NCOR2: variants seen among roughly 807,000 people sequenced by gnomAD.
The protein encoded by NCOR2 is nuclear receptor corepressor 2.
NCOR2 carries 81 observed loss-of-function variants against 262.9 expected under a neutral mutation model. The observed-to-expected ratio is 0.31, with a 90% CI of 0.26 to 0.37. The LOEUF (loss-of-function observed/expected upper bound fraction) is 0.37, where lower values mean the gene tolerates loss of function less well. Ranked by LOEUF, NCOR2 falls within the 10% of genes least tolerant of loss-of-function variation. The probability of loss-of-function intolerance (pLI) is 1.00; values close to 1 mark genes in which losing one functional copy is unlikely to be tolerated. For missense variants in NCOR2, 3,385 were observed against 3,621.4 expected, an observed-to-expected ratio of 0.93 and a Z score of 1.68; for synonymous variants, 1,659 against 1,559.3, an observed-to-expected ratio of 1.06 and a Z score of -1.51.
At chr12:124,371,751 A>G (rs1593255679) in intron 20 of NCOR2, among the ~76,000 whole-genome samples, 1 of 151,526 alleles carries the variant, frequency 6.6e-6, no homozygotes, top group South Asian at 2.1e-4. Context: ...TGCCTGGCAC[A>G]CTCTCTCCCT....
At chr12:124,444,337 G>A (rs1206504047) in intron 7 of NCOR2, among the ~76,000 whole-genome samples, 1 of 152,114 alleles carries the variant, frequency 6.6e-6, no homozygotes, top group Non-Finnish European at 1.5e-5. Flanking sequence ...CACCCTATAA[G>A]GAAACCTAGT....
intron 13 of NCOR2, among the ~76,000 whole-genome samples, chr12:124,411,529 G>A (rs552113152): frequency 9.9e-5 from 15 of 152,212 alleles, no homozygotes; most frequent in Non-Finnish European, 2.2e-4. Flanking sequence ...AACCCCCATC[G>A]CTGCGGGAAG....
At position 124,443,977 on chromosome 12, in the gene NCOR2, T is replaced by C. The variant is rs2044985843; in HGVS notation, c.815+5838A>G. ...CTTTCAAAGGTCGCCCAGCTCCCCG[T>C]TCCTCAGCCCCTACTACTCCCTATT... On this transcript the variant is annotated intron_variant, in intron 7 of 46. Transcript: ENST00000405201. The surrounding 1 kb of genome is among the most constrained non-coding windows in gnomAD (Gnocchi z 4.4). Among the ~76,000 whole-genome samples, 1 of 152,054 alleles carries C rather than the reference T, an allele frequency of 6.6e-6. No homozygotes were observed. The highest frequency in any genetic ancestry group is 2.4e-5 in the African/African-American group (1 of 41,420).
intron 5 of NCOR2, among the ~76,000 whole-genome samples, chr12:124,458,126 C>G (rs1013546451): frequency 1.3e-5 from 2 of 152,238 alleles, no homozygotes; most frequent in African/African-American, 4.8e-5. Context: ...CAGTATTTGG[C>G]AAGGACTAGG....
chr12:124,372,435 C>T lies in NCOR2; in HGVS notation c.2394G>A (p.Pro798=), dbSNP rs376153069. ...TAGGGGCTCCGGTGGCTTCAGAGGC[C>T]GGGGTGGGCTCAGTGGGGGCCGGGA... The change falls in exon 20 of 47, where the codon CCG becomes CCA. Residue 798 remains proline, a synonymous_variant. Transcript: ENST00000405201. 35 of 676,762 alleles carry T rather than the reference C, an allele frequency of 5.2e-5. No homozygotes were observed. The African/African-American group carries it at 7.9e-4, about 15-fold the overall frequency. 41.9% of individuals were successfully genotyped at this position (676,762 alleles called of 1,614,324 possible).
rs950652298 is a variant in NCOR2, at chr12:124,523,504, G to A, written c.-118+12061C>T. On this transcript the variant is annotated intron_variant, in intron 1 of 46. Coordinates refer to the NCOR2 transcript ENST00000404621. This position sits in a 1 kb window ranked among gnomAD's most constrained non-coding sequence, Gnocchi z 4.0. ...CATCACCCAAGCTCTCAGTGTGCCA[G>A]GGTCAGTGGGCTTCACGCGGCCTCC... Among the ~76,000 whole-genome samples the A allele has an allele frequency of 6.6e-6, 1 of 152,146 alleles. No individual in the cohort carries two copies. The highest frequency in any genetic ancestry group is 1.5e-5 in the Non-Finnish European group (1 of 68,026).
At chr12:124,532,776 C>T (rs1566032442) in intron 1 of NCOR2, among the ~76,000 whole-genome samples, 1 of 152,178 alleles carries the variant, frequency 6.6e-6, no homozygotes, top group African/African-American at 2.4e-5. Context: ...CCAGACCAGG[C>T]CGCTTTCCTT....
chr12:124,451,061 A>G (rs1054019734), intron 6 of NCOR2, among the ~76,000 whole-genome samples: 12 of 152,240 alleles, frequency 7.9e-5, no homozygotes, highest in African/African-American at 2.7e-4. Context: ...TGCTGTGGCC[A>G]GTGGAATTGC....
At position 124,483,693 on chromosome 12, in the gene NCOR2, C is replaced by T. The variant is rs201210769; in HGVS notation, c.314G>A (p.Ser105Asn). The T allele has an allele frequency of 7.4e-5, 120 of 1,612,038 alleles. No individual in the cohort carries two copies. In the African/African-American group the frequency reaches 1.5e-3, roughly 20 times the overall value. Reference sequence around the variant, plus strand: ...CAGCAGCTCTAGCCGAGGGCGCTTGCTTTCAATGAACTCCATCTCTGACTT... The same window carrying T: ...CAGCAGCTCTAGCCGAGGGCGCTTGTTTTCAATGAACTCCATCTCTGACTT... The change falls in exon 3 of 47, where the codon AGC becomes AAC. Residue 105 changes from serine (S) to asparagine (N), a missense_variant. Transcript: ENST00000405201. The surrounding 1 kb of genome is among the most constrained non-coding windows in gnomAD (Gnocchi z 6.3).
rs61934023 is a variant in NCOR2 at position 124,339,731 on chromosome 12, T to C, written c.5687+275A>G. ...ACCAGCTAACCCAGCCATCTATCTT[T>C]CCACTGACCCACCCACCCACCTAAC... On this transcript the variant is annotated intron_variant, in intron 37 of 46. Coordinates refer to ENST00000405201, the Ensembl canonical transcript of NCOR2. Among the ~76,000 whole-genome samples, 63 of 41,032 alleles carry C rather than the reference T, an allele frequency of 1.5e-3. 6 individuals carry two copies. Among genetic ancestry groups the C allele is most frequent in the Non-Finnish European group, 2.3e-3 (31 of 13,570 alleles). 26.9% of individuals were successfully genotyped at this position (41,032 alleles called of 152,430 possible). A position where few individuals can be genotyped will look rare whatever the true frequency, so the allele number is the denominator to read the frequency against.
chr12:124,439,614 G>A (rs1024387028), intron 7 of NCOR2, among the ~76,000 whole-genome samples: 1 of 152,042 alleles, frequency 6.6e-6, no homozygotes, highest in Non-Finnish European at 1.5e-5. Context: ...ACTGGGAGAA[G>A]GGGAGACACA....
chr12:124,354,244 T>C (rs2037760106), intron 26 of NCOR2, 48 bp from the exon 29 acceptor site: 1 of 1,524,548 alleles, frequency 6.6e-7, no homozygotes, highest in South Asian at 1.2e-5. Flanking sequence ...TGGCCCTTCC[T>C]TCCCCAGGCC....
chr12:124,560,377 T>C (rs756579564), intron 1 of NCOR2, among the ~76,000 whole-genome samples: 3 of 152,252 alleles, frequency 2.0e-5, no homozygotes, highest in Non-Finnish European at 4.4e-5. Context: ...AAATTTGCAT[T>C]TCATATGATT....
At chr12:124,372,061 G>A (rs1181188384) in exon 20 of NCOR2, 1 of 1,604,426 alleles carries the variant, frequency 6.2e-7, no homozygotes. Flanking sequence ...CACCTCGTCT[G>A]CACTGCAGGT....
upstream of NCOR2, among the ~76,000 whole-genome samples, chr12:124,536,486 AACAGCAG>A (rs1356611460): frequency 1.3e-5 from 2 of 152,248 alleles, no homozygotes; most frequent in African/African-American, 4.8e-5. Context: ...CAGTCAGTCC[AACAGCAG>A]ACAGGCAAAA....
At chr12:124,374,031 G>A (rs1292906067) in intron 19 of NCOR2, among the ~76,000 whole-genome samples, 2 of 152,170 alleles carry the variant, frequency 1.3e-5, no homozygotes, top group South Asian at 2.1e-4. Flanking sequence ...GAGCCCAGCC[G>A]CATTCCTGGC....
chr12:124,391,031 C>T (rs12708369), intron 16 of NCOR2, among the ~76,000 whole-genome samples: 58,531 of 152,178 alleles, frequency 0.38, 11,592 homozygotes, highest in South Asian at 0.41. Flanking sequence ...ATGCCATCCG[C>T]GGGCCCATGA....
chr12:124,475,386 G>A (rs193245778), intron 3 of NCOR2, among the ~76,000 whole-genome samples: 6 of 152,176 alleles, frequency 3.9e-5, no homozygotes, highest in East Asian at 3.8e-4. Context: ...ACAGCCCTCC[G>A]AGGGGACTGC....
chr12:124,489,515 C>T (rs986593187), intron 1 of NCOR2, among the ~76,000 whole-genome samples: 2 of 152,164 alleles, frequency 1.3e-5, no homozygotes, highest in Non-Finnish European at 2.9e-5. Flanking sequence ...GGGACAGTCC[C>T]CAGGCTCTGA....
Sources: gnomAD v4.1 joint callset for allele counts (sites outside exome capture counted in the v4.1 genomes callset) on GRCh38, gnomAD v4.1.1 for gene constraint, Gnocchi (gnomAD v3.1) non-coding constraint, MANE v1.5 for transcripts, NCBI Gene and HGNC (gene_info 2026-07-23, HGNC 2026-07-21) for gene names.